TCHP: variants seen among roughly 807,000 people sequenced by gnomAD.
TCHP encodes trichoplein keratin filament-binding protein.
TCHP carries 81 observed loss-of-function variants against 88.7 expected under a neutral mutation model. The observed-to-expected ratio is 0.91, with a 90% CI of 0.76 to 1.10. TCHP has a LOEUF of 1.10. TCHP is among the 50% of genes least tolerant of loss of function. TCHP has a pLI of 0.00. For synonymous variants in TCHP, 232 were observed against 232.5 expected (o/e 1.00, Z 0.02); for missense variants, 641 against 632.1 (o/e 1.01, Z -0.15).
intron 11 of TCHP, 153 bp downstream of exon 11, chr12:109,914,780 C>T: frequency 1.6e-6 from 1 of 613,344 alleles, no homozygotes; most frequent in Non-Finnish European, 2.8e-6. Flanking sequence ...AGTCCTCATC[C>T]TCTTGACTGT....
At chr12:109,889,589 G>C in the TCHP span, among the ~76,000 whole-genome samples, 1 of 152,168 alleles carries the variant, frequency 6.6e-6, no homozygotes, top group South Asian at 2.1e-4. Context: ...TCCTGTGTGT[G>C]TGTAAATCTT....
At chr12:109,906,252 G>A (rs1347044930) in intron 4 of TCHP, among the ~76,000 whole-genome samples, 1 of 152,160 alleles carries the variant, frequency 6.6e-6, no homozygotes, top group East Asian at 1.9e-4. Context: ...ATCAACCCAA[G>A]GTGGCCTTTG....
the TCHP span, among the ~76,000 whole-genome samples, chr12:109,883,861 C>T: frequency 6.6e-6 from 1 of 152,162 alleles, no homozygotes; most frequent in African/African-American, 2.4e-5. Context: ...ATTCATCTAC[C>T]CCTTCATCAA....
chr12:109,916,775 C>T lies in TCHP; in HGVS notation c.*152C>T, dbSNP rs140150392. ...TGCTCAGGTTCATCATTGAAACATC[C>T]CAGTGTTTGGCCAGACATTAAGGTG... On this transcript the variant is annotated 3_prime_UTR_variant, in exon 13 of 13. Coordinates refer to ENST00000405876, the MANE Select transcript of TCHP (RefSeq NM_001143852.2). 4.9e-4 allele frequency: 342 copies of T among 704,074 alleles called. 1 individual carries two copies. Among genetic ancestry groups the T allele is most frequent in the African/African-American group, 4.6e-3 (259 of 56,042 alleles). 43.6% of individuals were successfully genotyped at this position (704,074 alleles called of 1,614,324 possible). A position where few individuals can be genotyped will look rare whatever the true frequency, so the allele number is the denominator to read the frequency against.
intron 9 of TCHP, among the ~76,000 whole-genome samples, chr12:109,912,706 G>A (rs554184165): frequency 2.6e-5 from 4 of 152,256 alleles, no homozygotes; most frequent in African/African-American, 9.6e-5. Context: ...TACTAGAATC[G>A]ATTGAACCTG....
chr12:109,907,716 C>T lies in TCHP; in HGVS notation c.699+17C>T, dbSNP rs1360577587. ...GAGGTGGAGGTGGGCACAAGCCCCT[C>T]TCAGCCGTGACCTCCTCCACAGCTG... On this transcript the variant is annotated intron_variant, in intron 6 of 12. Transcript: ENST00000405876. The T allele has an allele frequency of 6.3e-7, 1 of 1,578,144 alleles. No homozygotes were observed. The highest frequency in any genetic ancestry group is 1.1e-5 in the South Asian group (1 of 87,880).
Position 109,906,600 on chromosome 12 carries a change from T to C in TCHP, c.485T>C (p.Val162Ala). 6.2e-7 allele frequency: 1 copy of C among 1,612,362 alleles called. No homozygotes were observed. The highest frequency in any genetic ancestry group is 8.5e-7 in the Non-Finnish European group (1 of 1,179,920). The stretch of plus-strand genomic sequence containing the variant: ...GAGCTGGACCTTCACCAGAAGCATG[T>C]CGTAAACTCTTGGGAAATGCAGAAA... The part of the protein sequence containing the change: ...EMELDLHQKH[V>A]VNSWEMQKEE... The change falls in exon 5 of 13, where the codon GTC becomes GCC. Residue 162 changes from valine to alanine, a missense_variant. Val to Ala is a moderately conservative substitution (Grantham distance 64). Transcript: ENST00000405876.
intron 10 of TCHP, 162 bp from the exon 11 acceptor site, chr12:109,914,280 G>C: frequency 3.3e-6 from 2 of 598,958 alleles, no homozygotes; most frequent in Non-Finnish European, 5.8e-6. Context: ...GGCCGACATC[G>C]TGAGAGCAAA....
intron 4 of TCHP, among the ~76,000 whole-genome samples, chr12:109,906,261 TG>T (rs1282160827): frequency 6.6e-6 from 1 of 152,230 alleles, no homozygotes; most frequent in Non-Finnish European, 1.5e-5. Context: ...AGGTGGCCTT[TG>T]AAATTGTATT....
At chr12:109,895,370 C>T (rs1464217121), upstream of TCHP, among the ~76,000 whole-genome samples, 2 of 150,928 alleles carry the variant, frequency 1.3e-5, no homozygotes, top group Non-Finnish European at 3.0e-5. Flanking sequence ...CCATCACACC[C>T]GATTAATAAA....
upstream of TCHP, among the ~76,000 whole-genome samples, chr12:109,896,019 TC>T (rs1310194992): frequency 7.2e-5 from 11 of 152,162 alleles, no homozygotes; most frequent in African/African-American, 2.7e-4. Flanking sequence ...TGATTTCGGC[TC>T]ACTGCAACCT....
the TCHP span, among the ~76,000 whole-genome samples, chr12:109,882,716 G>A: frequency 1.4e-5 from 2 of 146,788 alleles, no homozygotes; most frequent in Admixed American, 1.4e-4. Flanking sequence ...GTACAGTGGT[G>A]GTGCAATCTC....
At chr12:109,913,699 C>A (rs530671428) in intron 10 of TCHP, among the ~76,000 whole-genome samples, 1 of 152,256 alleles carries the variant, frequency 6.6e-6, no homozygotes, top group Non-Finnish European at 1.5e-5. Flanking sequence ...AGAGTGTTAC[C>A]CATGGGCTGA....
chr12:109,912,324 G>A (rs1870551084), intron 9 of TCHP, among the ~76,000 whole-genome samples: 2 of 152,178 alleles, frequency 1.3e-5, no homozygotes, highest in Non-Finnish European at 1.5e-5. Flanking sequence ...AGGTCACTCC[G>A]TCCAGGGTGA....
chr12:109,917,338 T>G lies in TCHP; in HGVS notation c.*715T>G, dbSNP rs1870875078. 6.6e-6 allele frequency: 1 copy of G among 152,092 alleles called. No homozygotes were observed. Among genetic ancestry groups the G allele is most frequent in the African/African-American group, 2.4e-5 (1 of 41,374 alleles). The allele number at this position is 152,092 out of a possible 1,614,324, so 9.4% of individuals were successfully genotyped here. On this transcript the variant is annotated 3_prime_UTR_variant, in exon 13 of 13. Coordinates refer to ENST00000405876, the MANE Select transcript of TCHP (RefSeq NM_001143852.2). ...GCCCCAAAACGAACTTCAAACTGGG[T>G]GTGGTGGCACGTGCCTTTAGTCCCA...
chr12:109,912,952 G>A (rs754498984), intron 9 of TCHP, 39 bp from the exon 10 acceptor site: 11 of 1,578,622 alleles, frequency 7.0e-6, no homozygotes, highest in Admixed American at 3.3e-5. Context: ...CTGCCAGGGC[G>A]GGGAGGAGCC....
At chr12:109,900,825 A>G (rs1223602530) in intron 1 of TCHP, 5 of 152,112 alleles carry the variant, frequency 3.3e-5, no homozygotes, top group African/African-American at 1.2e-4. Context: ...TTTGCCCCCA[A>G]AACTGGAGGA....
At chr12:109,907,309 G>A (rs187777146) in intron 5 of TCHP, among the ~76,000 whole-genome samples, 3 of 152,360 alleles carry the variant, frequency 2.0e-5, no homozygotes, top group Non-Finnish European at 4.4e-5. Flanking sequence ...TGCACTGGTC[G>A]CTTTGCTGCC....
intron 4 of TCHP, 52 bp downstream of exon 4, chr12:109,904,845 C>G: frequency 6.5e-7 from 1 of 1,548,124 alleles, no homozygotes. Flanking sequence ...AATCATGTTT[C>G]CAGACACTTT....
Sources: gnomAD v4.1 joint callset for allele counts (sites outside exome capture counted in the v4.1 genomes callset) on GRCh38, gnomAD v4.1.1 for gene constraint, MANE v1.5 for transcripts, NCBI Gene and HGNC (gene_info 2026-07-23, HGNC 2026-07-21) for gene names.